IGSF21: variants seen among roughly 807,000 people sequenced by gnomAD.
IGSF21 encodes immunoglobulin superfamily member 21.
IGSF21 carries 28 observed loss-of-function variants against 46.8 expected under a neutral mutation model. That is an observed-to-expected ratio of 0.60 (90% CI 0.44 to 0.82). The LOEUF (loss-of-function observed/expected upper bound fraction) is 0.82. Ranked by LOEUF, IGSF21 falls within the 40% of genes least tolerant of loss-of-function variation. The pLI, the probability that IGSF21 is intolerant of heterozygous loss-of-function variation, is 0.00. For synonymous variants in IGSF21, 284 were observed against 273.6 expected (o/e 1.04, Z -0.38); for missense variants, 624 against 665.5 (o/e 0.94, Z 0.69).
In IGSF21 at chr1:18,322,321, A is replaced by G. The variant is rs1334103643; in HGVS notation, c.306-12571A>G. 6.6e-6 allele frequency among the ~76,000 whole-genome samples: 1 copy of G among 152,038 alleles called. No homozygotes were observed. The highest frequency in any genetic ancestry group is 1.5e-5 in the Non-Finnish European group (1 of 68,014). On this transcript the variant is annotated intron_variant, in intron 3 of 9. Coordinates refer to ENST00000251296, the MANE Select transcript of IGSF21 (RefSeq NM_032880.5). This position sits in a 1 kb window ranked among gnomAD's most constrained non-coding sequence, Gnocchi z 4.3. ...AGATCATAGAAACAACAGGTTGAGG[A>G]AGTCCGGGAAACCCAGAGGCAGCCA...
intron 4 of IGSF21, among the ~76,000 whole-genome samples, chr1:18,357,732 T>C (rs2086036145): frequency 6.6e-6 from 1 of 152,062 alleles, no homozygotes; most frequent in African/African-American, 2.4e-5. Flanking sequence ...GACTCCTGGA[T>C]GGAGACGGCT....
chr1:18,204,731 G>C (rs1048695111), intron 1 of IGSF21, among the ~76,000 whole-genome samples: 1 of 152,162 alleles, frequency 6.6e-6, no homozygotes, highest in Non-Finnish European at 1.5e-5. Context: ...AGGTTGGGCA[G>C]GAGCAGGAAC....
At chr1:18,271,528 A>G (rs2085042382) in intron 2 of IGSF21, among the ~76,000 whole-genome samples, 1 of 152,178 alleles carries the variant, frequency 6.6e-6, no homozygotes, top group East Asian at 1.9e-4. Flanking sequence ...ATGCAGAAAA[A>G]TCTATGTCAG....
chr1:18,225,300 T>A (rs1054122067), intron 1 of IGSF21, among the ~76,000 whole-genome samples: 5 of 151,950 alleles, frequency 3.3e-5, no homozygotes, highest in African/African-American at 1.2e-4. Flanking sequence ...CACCCTGGCA[T>A]GCCTCTGTGA....
chr1:18,289,594 A>G, intron 2 of IGSF21, among the ~76,000 whole-genome samples: 1 of 152,114 alleles, frequency 6.6e-6, no homozygotes, highest in Non-Finnish European at 1.5e-5. Flanking sequence ...CAGCCACACA[A>G]TGTGATGGGC....
intron 3 of IGSF21, among the ~76,000 whole-genome samples, chr1:18,332,322 TTTCTTTACAGAGC>T (rs983199588): frequency 2.0e-5 from 3 of 152,176 alleles, no homozygotes; most frequent in Admixed American, 1.3e-4. Flanking sequence ...CCTGAGCCTG[TTTCTTTACAGAGC>T]TGTCACCTGA....
intron 4 of IGSF21, among the ~76,000 whole-genome samples, chr1:18,340,981 TCTC>T (rs1443256681): frequency 1.5e-5 from 2 of 137,072 alleles, no homozygotes; most frequent in East Asian, 2.3e-4. Context: ...TCCTTCTTCT[TCTC>T]CTTCTTCTTC....
At chr1:18,236,810 A>T (rs1569596604) in intron 2 of IGSF21, among the ~76,000 whole-genome samples, 1 of 152,274 alleles carries the variant, frequency 6.6e-6, no homozygotes, top group East Asian at 1.9e-4. Context: ...TGTGTCTCAC[A>T]CTCCAGTGAG....
At chr1:18,140,025 C>A (rs1427329776) in intron 1 of IGSF21, among the ~76,000 whole-genome samples, 1 of 152,196 alleles carries the variant, frequency 6.6e-6, no homozygotes, top group Non-Finnish European at 1.5e-5. Context: ...CGGCTCACTG[C>A]AGCCTCAACC....
intron 1 of IGSF21, among the ~76,000 whole-genome samples, chr1:18,219,074 C>A (rs1160122663): frequency 6.6e-6 from 1 of 152,182 alleles, no homozygotes; most frequent in Admixed American, 6.5e-5. Context: ...CACACACAGT[C>A]TCATGGGGTG....
chr1:18,180,447 C>T (rs372574736), intron 1 of IGSF21, among the ~76,000 whole-genome samples: 3 of 152,234 alleles, frequency 2.0e-5, no homozygotes, highest in South Asian at 2.1e-4. Context: ...GAGACTGAGG[C>T]CTGGACATAC....
At chr1:18,374,757 G>A (rs114994235) in intron 6 of IGSF21, among the ~76,000 whole-genome samples, 30 of 152,258 alleles carry the variant, frequency 2.0e-4, no homozygotes, top group East Asian at 7.7e-4. Context: ...TCTGATTTCC[G>A]TTCTAAGAGC....
intron 6 of IGSF21, among the ~76,000 whole-genome samples, chr1:18,366,716 G>A (rs2086168655): frequency 6.6e-5 from 10 of 152,154 alleles, no homozygotes. Flanking sequence ...GTGGGTATGT[G>A]GGAGGCAGGC....
At chr1:18,241,473 TG>T (rs1487322649) in intron 2 of IGSF21, among the ~76,000 whole-genome samples, 3 of 152,338 alleles carry the variant, frequency 2.0e-5, no homozygotes, top group Admixed American at 6.5e-5. Context: ...AAAGTCCTGC[TG>T]CTAGATAGTG....
At chr1:18,285,870 G>T (rs368580062) in intron 2 of IGSF21, among the ~76,000 whole-genome samples, 1 of 152,152 alleles carries the variant, frequency 6.6e-6, no homozygotes, top group Non-Finnish European at 1.5e-5. Flanking sequence ...CAGGGTAGGC[G>T]CCAATGTATG....
Position 18,376,912 on chromosome 1 carries a change from A to T in IGSF21, c.1214A>T (p.Glu405Val), listed in dbSNP as rs1279810428. ...KELVLERVPA[E>V]LNGSMYRCTA... is the part of the protein sequence containing the mutation. ...CTGGTGCTGGAGCGGGTTCCCGCCG[A>T]GCTCAATGGCTCCATGTATCGCTGC... The change falls in exon 8 of 10, where the codon GAG becomes GTG. Residue 405 changes from glutamate to valine, a missense_variant. Physicochemically the swap from Glu to Val is moderately radical, Grantham distance 121 (BLOSUM62 -2). Transcript: ENST00000251296. 1.6e-5 allele frequency: 25 copies of T among 1,612,836 alleles called. No individual in the cohort carries two copies. The highest frequency in any genetic ancestry group is 2.1e-5 in the Non-Finnish European group (25 of 1,178,940).
chr1:18,268,578 C>T (rs1192059991), intron 2 of IGSF21, among the ~76,000 whole-genome samples: 5 of 152,188 alleles, frequency 3.3e-5, no homozygotes, highest in East Asian at 1.9e-4. Flanking sequence ...AACTCAGGTG[C>T]GCGGTGAAAC....
intron 3 of IGSF21, among the ~76,000 whole-genome samples, chr1:18,308,302 A>G (rs979237562): frequency 2.0e-5 from 3 of 152,156 alleles, no homozygotes; most frequent in Admixed American, 2.0e-4. Context: ...AGTGCAGCCC[A>G]TGCCCTATCC....
intron 1 of IGSF21, among the ~76,000 whole-genome samples, chr1:18,130,555 A>G (rs1213989647): frequency 6.6e-6 from 1 of 152,162 alleles, no homozygotes; most frequent in African/African-American, 2.4e-5. Flanking sequence ...CCCCTGTGAC[A>G]TAAACATCAT....
Sources: gnomAD v4.1 joint callset for allele counts (sites outside exome capture counted in the v4.1 genomes callset) on GRCh38, gnomAD v4.1.1 for gene constraint, Gnocchi (gnomAD v3.1) non-coding constraint, MANE v1.5 for transcripts, NCBI Gene and HGNC (gene_info 2026-07-23, HGNC 2026-07-21) for gene names.